SLC25A12: variants seen among roughly 807,000 people sequenced by gnomAD.
SLC25A12 encodes the protein solute carrier family 25 member 12.
SLC25A12 carries 32 observed loss-of-function variants against 83.3 expected under a neutral mutation model. The observed-to-expected ratio is 0.38, with a 90% CI of 0.29 to 0.52. The LOEUF is 0.52. Ranked by LOEUF, SLC25A12 falls within the 20% of genes least tolerant of loss-of-function variation. The pLI is 0.84. For synonymous variants in SLC25A12, 267 were observed against 291.1 expected (o/e 0.92, Z 0.84); for missense variants, 611 against 835.6 (o/e 0.73, Z 3.31).
chr2:171,868,555 C>T (rs2105917609), intron 3 of SLC25A12, 126 bp downstream of exon 3: 1 of 877,400 alleles, frequency 1.1e-6, no homozygotes, highest in Non-Finnish European at 1.9e-6. Context: ...CTCAGGTGAT[C>T]CGCCCGCCTC....
intron 3 of SLC25A12, among the ~76,000 whole-genome samples, chr2:171,860,569 T>A (rs1685133039): frequency 6.6e-6 from 1 of 152,026 alleles, no homozygotes. Context: ...GCCACTGCAC[T>A]CCAGCCTGAG....
intron 3 of SLC25A12, among the ~76,000 whole-genome samples, chr2:171,862,574 C>T (rs1456021837): frequency 6.6e-6 from 1 of 152,112 alleles, no homozygotes; most frequent in Non-Finnish European, 1.5e-5. Context: ...GTTAACATCC[C>T]GGAAAACATG....
At chr2:171,841,277 A>C (rs898862864) in intron 5 of SLC25A12, among the ~76,000 whole-genome samples, 7 of 151,982 alleles carry the variant, frequency 4.6e-5, no homozygotes, top group African/African-American at 1.7e-4. Flanking sequence ...ACAGGGTTTC[A>C]CCATGTTGGC....
intron 4 of SLC25A12, among the ~76,000 whole-genome samples, chr2:171,849,805 C>T (rs567305939): frequency 9.2e-5 from 14 of 152,196 alleles, no homozygotes; most frequent in African/African-American, 3.4e-4. Flanking sequence ...ATCCACCCGC[C>T]TCGGCCTCCC....
At chr2:171,792,650 A>G (rs1683504576) in intron 14 of SLC25A12, among the ~76,000 whole-genome samples, 1 of 151,974 alleles carries the variant, frequency 6.6e-6, no homozygotes, top group African/African-American at 2.4e-5. Context: ...AAAAAATCCA[A>G]GGACTCGCTA....
intron 5 of SLC25A12, among the ~76,000 whole-genome samples, chr2:171,837,921 G>T (rs1684591685): frequency 6.6e-6 from 1 of 152,312 alleles, no homozygotes; most frequent in South Asian, 2.1e-4. Context: ...AGACAGTCCA[G>T]AATATCTCTG....
chr2:171,862,182 C>T (rs1206335884), intron 3 of SLC25A12, among the ~76,000 whole-genome samples: 2 of 152,140 alleles, frequency 1.3e-5, no homozygotes, highest in Non-Finnish European at 2.9e-5. Context: ...TTTTCTACAT[C>T]ACAGGAGAAC....
chr2:171,859,349 G>A (rs1017961568), intron 3 of SLC25A12, among the ~76,000 whole-genome samples: 9 of 152,178 alleles, frequency 5.9e-5, no homozygotes, highest in Admixed American at 3.9e-4. Context: ...ACACATGCCT[G>A]TAGTCCTAGC....
intron 4 of SLC25A12, among the ~76,000 whole-genome samples, chr2:171,853,872 C>T (rs1378973699): frequency 6.6e-6 from 1 of 152,010 alleles, no homozygotes; most frequent in Admixed American, 6.6e-5. Context: ...TTATAATAAT[C>T]GAAACTGGGA....
rs150964082 is a variant in SLC25A12 at position 171,878,216 on chromosome 2, G to A, written c.67-9393C>T. Among the ~76,000 whole-genome samples the A allele has an allele frequency of 9.2e-5, 14 of 152,246 alleles. No individual in the cohort carries two copies. The East Asian group carries it at 2.7e-3, about 29-fold the overall frequency. On this transcript the variant is annotated intron_variant, in intron 2 of 17. Coordinates refer to ENST00000422440, the MANE Select transcript of SLC25A12 (RefSeq NM_003705.5). ...CACGACGGACACTAAAACTGGGTCAGAAAACTTGGGTTCTAAACTCCTGTG... is the reference window on the plus strand; with the variant it reads ...CACGACGGACACTAAAACTGGGTCAAAAAACTTGGGTTCTAAACTCCTGTG...
intron 17 of SLC25A12, among the ~76,000 whole-genome samples, chr2:171,785,983 T>C (rs1690481360): frequency 6.6e-6 from 1 of 152,048 alleles, no homozygotes; most frequent in Non-Finnish European, 1.5e-5. Flanking sequence ...ACTTAGCACA[T>C]ATGAAAGTAA....
At chr2:171,785,584 T>G in intron 17 of SLC25A12, 109 bp from the exon 18 acceptor site, 2 of 974,196 alleles carry the variant, frequency 2.1e-6, no homozygotes, top group African/African-American at 3.2e-5. Context: ...AATGTTTCTC[T>G]CAACCATTTC....
chr2:171,789,450 G>C (rs192680781), intron 15 of SLC25A12, among the ~76,000 whole-genome samples: 15 of 152,112 alleles, frequency 9.9e-5, no homozygotes, highest in South Asian at 6.2e-4. Context: ...GGATGGTCTC[G>C]ATCTCCTGAC....
chr2:171,821,017 C>CTTTTTTTTTTTTTT (rs869070730), intron 9 of SLC25A12, among the ~76,000 whole-genome samples: 1 of 48,592 alleles, frequency 2.1e-5, no homozygotes, highest in African/African-American at 8.0e-5. Context: ...TATAAACATT[C>CTTTTTTTTTTTTTT]TTTTTTTTTT....
chr2:171,787,418 A>C (rs1469203424), intron 17 of SLC25A12, among the ~76,000 whole-genome samples, 153 bp downstream of exon 17: 1 of 152,220 alleles, frequency 6.6e-6, no homozygotes, highest in African/African-American at 2.4e-5. Flanking sequence ...GCTTAACACA[A>C]ATGCTTCTTA....
intron 9 of SLC25A12, 24 bp from the exon 10 acceptor site, chr2:171,815,226 A>C (rs1316215886): frequency 6.3e-7 from 1 of 1,577,942 alleles, no homozygotes; most frequent in Middle Eastern, 1.7e-4. Context: ...AACGGGTAAA[A>C]AAAAATCTTG....
intron 2 of SLC25A12, among the ~76,000 whole-genome samples, chr2:171,879,393 C>A (rs567373279): frequency 7.0e-4 from 106 of 152,294 alleles, no homozygotes; most frequent in Non-Finnish European, 1.2e-3. Context: ...TATATTTTCA[C>A]TGTCCACTAT....
intron 5 of SLC25A12, among the ~76,000 whole-genome samples, chr2:171,842,933 T>C (rs1684710816): frequency 6.6e-6 from 1 of 152,150 alleles, no homozygotes; most frequent in Non-Finnish European, 1.5e-5. Context: ...GTGATTCTCC[T>C]GCCTCAGCCT....
intron 12 of SLC25A12, 78 bp downstream of exon 12, chr2:171,810,146 C>T (rs762745299): frequency 2.9e-5 from 36 of 1,240,604 alleles, no homozygotes; most frequent in African/African-American, 4.4e-5. Flanking sequence ...TGAGCTACCA[C>T]GCCTAGCCTT....
Sources: gnomAD v4.1 joint callset for allele counts (sites outside exome capture counted in the v4.1 genomes callset) on GRCh38, gnomAD v4.1.1 for gene constraint, MANE v1.5 for transcripts, NCBI Gene and HGNC (gene_info 2026-07-23, HGNC 2026-07-21) for gene names.